The following ARHGEF4 variants were observed in gnomAD, a reference collection of about 807,000 sequenced individuals.
ARHGEF4 encodes Rho guanine nucleotide exchange factor 4, also known as APC-stimulated guanine nucleotide exchange factor 1.
In ARHGEF4, 119 loss-of-function variants were observed where a neutral mutation model predicts 162.0. That is an observed-to-expected ratio of 0.73 (90% CI 0.63 to 0.86). ARHGEF4 has a LOEUF of 0.86. Among genes scored for constraint, ARHGEF4 ranks in the 40% least tolerant of loss-of-function variants. The pLI is 0.00. For missense variants in ARHGEF4, 2,488 were observed against 2,456.0 expected (o/e 1.01, Z -0.28); for synonymous variants, 1,014 against 979.9 (o/e 1.03, Z -0.65).
intron 3 of ARHGEF4, among the ~76,000 whole-genome samples, chr2:130,943,966 T>TA (rs1683458186): frequency 6.6e-6 from 1 of 152,262 alleles, no homozygotes; most frequent in Non-Finnish European, 1.5e-5. Context: ...TTAACATTGC[T>TA]TTAGAATAGG....
intron 8 of ARHGEF4, 117 bp downstream of exon 8, chr2:131,040,557 C>A: frequency 8.5e-7 from 1 of 1,182,358 alleles, no homozygotes; most frequent in Non-Finnish European, 1.2e-6. Context: ...TGGGCCCCAG[C>A]TCCAGCCCTC....
intron 6 of ARHGEF4, chr2:131,039,493 A>G: frequency 9.8e-7 from 1 of 1,023,080 alleles, no homozygotes; most frequent in African/African-American, 1.7e-5. Flanking sequence ...TCTTCAAGGA[A>G]GGAATCCAGG....
intron 4 of ARHGEF4, among the ~76,000 whole-genome samples, chr2:130,976,349 C>CTG (rs70994727): frequency 0.042 from 6,139 of 146,586 alleles, 255 homozygotes; most frequent in African/African-American, 0.12. Flanking sequence ...GTGTGTGTGT[C>CTG]TGTGTGTGTG....
chr2:131,035,820 C>G (rs1690235374), intron 5 of ARHGEF4: 1 of 985,376 alleles, frequency 1.0e-6, no homozygotes, highest in African/African-American at 1.7e-5. Context: ...CACAGCTGCC[C>G]CCACCCTGCA....
chr2:131,045,045 C>A (rs1440677447), intron 12 of ARHGEF4, among the ~76,000 whole-genome samples: 1 of 152,184 alleles, frequency 6.6e-6, no homozygotes, highest in Non-Finnish European at 1.5e-5. Context: ...GTGACCAGGT[C>A]GGCTCTTGGT....
Position 130,926,810 on chromosome 2 carries a change from A to ATTTTTTTTTTTTTT in ARHGEF4, c.3553-4127_3553-4114dup, listed in dbSNP as rs55904944. On this transcript the variant is annotated intron_variant, in intron 2 of 13. Coordinates refer to ENST00000409359, the MANE Select transcript of ARHGEF4 (RefSeq NM_001367493.1). Reference sequence around the variant, plus strand: ...TAAACCTGAGAGGGACTTCTGGCTGATTTTTTTTTTTTTTTTTTTTTTTTT... The same window carrying ATTTTTTTTTTTTTT: ...TAAACCTGAGAGGGACTTCTGGCTGATTTTTTTTTTTTTTTTTTTTTTTTTTTTTTTTTTTTTTT... 2.7e-3 allele frequency among the ~76,000 whole-genome samples: 132 copies of ATTTTTTTTTTTTTT among 48,956 alleles called. 49 individuals are homozygous for ATTTTTTTTTTTTTT. Among genetic ancestry groups the ATTTTTTTTTTTTTT allele is most frequent in the East Asian group, 5.2e-3 (6 of 1,154 alleles). The allele number at this position is 48,956 out of a possible 152,430, so 32.1% of individuals were successfully genotyped here.
intron 4 of ARHGEF4, among the ~76,000 whole-genome samples, chr2:130,986,847 G>A (rs903182370): frequency 6.6e-6 from 1 of 152,240 alleles, no homozygotes; most frequent in Non-Finnish European, 1.5e-5. Flanking sequence ...GCTTTTGGCA[G>A]GACATTAGCA....
chr2:130,871,305 G>T (rs978879309), intron 1 of ARHGEF4, among the ~76,000 whole-genome samples: 4 of 152,164 alleles, frequency 2.6e-5, no homozygotes, highest in African/African-American at 9.7e-5. Context: ...GGAGGCCGAG[G>T]TGGGCGGATC....
intron 2 of ARHGEF4, among the ~76,000 whole-genome samples, chr2:130,926,026 T>TTC (rs1553514619): frequency 9.6e-6 from 1 of 103,858 alleles, no homozygotes; most frequent in African/African-American, 5.6e-5. Flanking sequence ...CTTTCTTTCT[T>TTC]TCTTTCTTTC....
rs376702532 is a variant in ARHGEF4 at position 131,038,994 on chromosome 2, G to A, written c.4267G>A (p.Ala1423Thr). ...CAGAGAGTGGTGGTGGGGCCGGGTC[G>A]CCGATGGCGAGGGCTGGTTTCCAGC... ...TNREWWWGRV[A>T]DGEGWFPASF... Residue 1423 changes from alanine to threonine, a missense_variant, in exon 6 of 14, where the codon GCC (alanine) becomes ACC (threonine). Transcript: ENST00000409359. 45 of 1,613,276 alleles carry A rather than the reference G, an allele frequency of 2.8e-5. No individual in the cohort carries two copies. Among genetic ancestry groups the A allele is most frequent in the Non-Finnish European group, 3.6e-5 (43 of 1,179,848 alleles).
chr2:130,937,599 C>T lies in ARHGEF4; in HGVS notation c.3858+6342C>T, dbSNP rs80290192. On this transcript the variant is annotated intron_variant, in intron 3 of 13. Coordinates refer to ENST00000409359, the MANE Select transcript of ARHGEF4 (RefSeq NM_001367493.1). ...CTAGTAAGAAGACCCTGTGCTTTCTCAGGGATGGTTCTTGTTCATTTCTTT... is the reference window on the plus strand; with the variant it reads ...CTAGTAAGAAGACCCTGTGCTTTCTTAGGGATGGTTCTTGTTCATTTCTTT... 2.5e-3 allele frequency among the ~76,000 whole-genome samples: 381 copies of T among 151,848 alleles called. 2 individuals carry two copies. The highest frequency in any genetic ancestry group is 8.7e-3 in the African/African-American group (362 of 41,450).
chr2:130,880,458 G>A (rs1472447926), intron 1 of ARHGEF4, among the ~76,000 whole-genome samples: 1 of 152,200 alleles, frequency 6.6e-6, no homozygotes, highest in East Asian at 1.9e-4. Context: ...ACCTGGGACA[G>A]GGATAGAAGT....
intron 1 of ARHGEF4, among the ~76,000 whole-genome samples, chr2:130,864,717 CTG>C (rs1461889087): frequency 2.0e-5 from 3 of 152,206 alleles, no homozygotes; most frequent in Admixed American, 2.0e-4. Context: ...GAGCCAGACT[CTG>C]TCTCAAAACA....
At chr2:130,971,768 T>C (rs966069962) in intron 4 of ARHGEF4, among the ~76,000 whole-genome samples, 10 of 152,170 alleles carry the variant, frequency 6.6e-5, no homozygotes, top group African/African-American at 2.4e-4. Context: ...GATTGAAATC[T>C]TAACAGTATG....
intron 1 of ARHGEF4, among the ~76,000 whole-genome samples, chr2:130,867,698 C>T (rs980962312): frequency 1.3e-5 from 2 of 152,256 alleles, no homozygotes; most frequent in Middle Eastern, 3.4e-3. Flanking sequence ...TCAGCCTGTA[C>T]TAAGTCTTCC....
At chr2:130,889,491 G>A (rs540831111) in intron 1 of ARHGEF4, among the ~76,000 whole-genome samples, 4 of 151,950 alleles carry the variant, frequency 2.6e-5, no homozygotes, top group African/African-American at 9.7e-5. Context: ...GCTACTGTGG[G>A]TGAATTTTCT....
At chr2:130,943,441 CTT>C (rs1325739408) in intron 3 of ARHGEF4, among the ~76,000 whole-genome samples, 3 of 152,184 alleles carry the variant, frequency 2.0e-5, no homozygotes, top group East Asian at 3.9e-4. Flanking sequence ...AGTATTCAAA[CTT>C]AATGTATTTA....
At chr2:130,837,223 G>T (rs888967536) in intron 1 of ARHGEF4, among the ~76,000 whole-genome samples, 1 of 152,124 alleles carries the variant, frequency 6.6e-6, no homozygotes, top group Non-Finnish European at 1.5e-5. Context: ...TCCGTTGGGG[G>T]CGGTAGGGAC....
chr2:131,041,538 G>T, intron 9 of ARHGEF4, 76 bp downstream of exon 9: 1 of 1,453,752 alleles, frequency 6.9e-7, no homozygotes, highest in South Asian at 1.3e-5. Context: ...CATTAGCAGT[G>T]TGCTGGGCAC....
Sources: allele counts gnomAD v4.1 joint callset (sites outside exome capture counted in the v4.1 genomes callset), GRCh38; gene constraint gnomAD v4.1.1; transcripts MANE v1.5; gene names NCBI Gene and HGNC (gene_info 2026-07-23, HGNC 2026-07-21).